The following MYRF variants were observed in gnomAD, a reference collection of about 807,000 sequenced individuals.
MYRF encodes myelin regulatory factor.
A neutral mutation model predicts 126.3 loss-of-function variants in MYRF; 16 were observed. The ratio of observed to expected loss-of-function variants is 0.13; its 90% CI spans 0.09 to 0.19. The LOEUF is 0.19. MYRF is among the 10% of genes least tolerant of loss of function. The probability of loss-of-function intolerance (pLI) is 1.00; values close to 1 mark genes in which losing one functional copy is unlikely to be tolerated. For missense variants in MYRF, 1,104 were observed against 1,547.0 expected (o/e 0.71, Z 4.80); for synonymous variants, 608 against 635.3 (o/e 0.96, Z 0.65).
intron 1 of MYRF, among the ~76,000 whole-genome samples, chr11:61,753,243 G>C (rs748107690): frequency 3.9e-5 from 6 of 151,970 alleles, no homozygotes; most frequent in Non-Finnish European, 7.4e-5. Context: ...ACCCCAGCCT[G>C]CTTCCCAGAA....
At chr11:61,769,450 A>G (rs117697079) in intron 4 of MYRF, 129 bp downstream of exon 4, 6 of 710,218 alleles carry the variant, frequency 8.4e-6, no homozygotes, top group Non-Finnish European at 1.5e-5. Context: ...TCGCTGGTCA[A>G]ATACTCCCTG....
Position 61,783,845 on chromosome 11 carries a change from C to T in MYRF, c.3120-6C>T. ...TCAGGCTAAGGTGCCAGTTTTGCCC[C>T]TGCAGGCCTGGGAACTTCACCTACC... On this transcript the variant is annotated splice_polypyrimidine_tract_variant and splice_region_variant and intron_variant, in intron 23 of 26. Coordinates refer to ENST00000278836, the MANE Select transcript of MYRF (RefSeq NM_001127392.3). The surrounding 1 kb of genome is among the most constrained non-coding windows in gnomAD (Gnocchi z 4.6). 4 of 1,601,100 alleles carry T rather than the reference C, an allele frequency of 2.5e-6. No individual in the cohort carries two copies. The highest frequency in any genetic ancestry group is 3.4e-6 in the Non-Finnish European group (4 of 1,173,378).
chr11:61,774,978 G>A (rs1030385912), intron 8 of MYRF, among the ~76,000 whole-genome samples: 14 of 151,978 alleles, frequency 9.2e-5, no homozygotes, highest in East Asian at 3.9e-4. Flanking sequence ...GGAATGGGGC[G>A]CAGGGCCTTG....
chr11:61,775,133 T>G (rs1481322235), intron 8 of MYRF, among the ~76,000 whole-genome samples: 6 of 152,140 alleles, frequency 3.9e-5, no homozygotes, highest in Admixed American at 3.9e-4. Context: ...TTACCTCCCT[T>G]CCTTGTCGGA....
rs767598766 is a variant in MYRF, at chr11:61,781,687, G to A, written c.2879G>A (p.Ser960Asn). 22 of 1,613,520 alleles carry A rather than the reference G, an allele frequency of 1.4e-5. No homozygotes were observed. The highest frequency in any genetic ancestry group is 1.8e-5 in the Non-Finnish European group (21 of 1,180,032). The change falls in exon 22 of 27, where the codon AGC becomes AAC. Residue 960 changes from serine to asparagine, a missense_variant. Ser to Asn is a conservative substitution (Grantham distance 46). Around this residue, in one of 10 missense-constraint regions of MYRF, gnomAD observed 323 missense variants for 383.1 expected, o/e 0.84. Coordinates refer to ENST00000278836, the MANE Select transcript of MYRF (RefSeq NM_001127392.3). ...KHHKSLEPLA[S>N]PAVPFPGGQG... ...CACAAGAGTCTGGAGCCTCTGGCCA[G>A]CCCTGCAGTCCCCTTCCCTGGGGGG... is the stretch of plus-strand genomic sequence containing the variant.
At chr11:61,765,354 C>T (rs1407579086) in intron 1 of MYRF, among the ~76,000 whole-genome samples, 2 of 152,234 alleles carry the variant, frequency 1.3e-5, no homozygotes, top group Admixed American at 6.5e-5. Flanking sequence ...GGATCGGCCT[C>T]TCTGTACCCA....
rs940568699 is a variant in MYRF at position 61,776,214 on chromosome 11, T to C, written c.1388+82T>C. On this transcript the variant is annotated intron_variant, in intron 9 of 26. Transcript: ENST00000278836. The surrounding 1 kb of genome is among the most constrained non-coding windows in gnomAD (Gnocchi z 4.3). Reference sequence around the variant, plus strand: ...CTTGGGAATGGAGGGGCCAGGGAGGTACCCAGGGTGTCCGCCTCATGTACG... The same window carrying C: ...CTTGGGAATGGAGGGGCCAGGGAGGCACCCAGGGTGTCCGCCTCATGTACG... 6.3e-6 allele frequency: 10 copies of C among 1,575,370 alleles called. No individual in the cohort carries two copies. In the African/African-American group the frequency reaches 1.4e-4, roughly 21 times the overall value.
In MYRF at chr11:61,776,532, C is replaced by A. The variant is rs958753188; in HGVS notation, c.1499+100C>A. 3.1e-6 allele frequency: 3 copies of A among 981,980 alleles called. No individual in the cohort carries two copies. The highest frequency in any genetic ancestry group is 4.6e-6 in the Non-Finnish European group (3 of 649,680). 60.8% of individuals were successfully genotyped at this position (981,980 alleles called of 1,614,324 possible). A position where few individuals can be genotyped will look rare whatever the true frequency, so the allele number is the denominator to read the frequency against. On this transcript the variant is annotated intron_variant, in intron 10 of 26. Coordinates refer to ENST00000278836, the MANE Select transcript of MYRF (RefSeq NM_001127392.3). This position sits in a 1 kb window ranked among gnomAD's most constrained non-coding sequence, Gnocchi z 4.3. ...AGGCACAGAGTCCTACAGGCTGAGC[C>A]ATTTCACAGATGAGAGACCTGAGAT...
chr11:61,769,308 C>A lies in MYRF; in HGVS notation c.447C>A (p.Pro149=), dbSNP rs780601996. The change falls in exon 4 of 27, where the codon CCC becomes CCA. Residue 149 remains proline (P), a synonymous_variant. Transcript: ENST00000278836. ...ACTCGGGCTCCGAGGCCTACTCCCC[C>A]CAGCAGGTGAATGGTGAGTCCAGCG... is the stretch of plus-strand genomic sequence containing the variant. ...PPDSGSEAYS[P]QQVNEPHLLR... is the part of the protein sequence containing the mutation. The A allele has an allele frequency of 6.7e-5, 108 of 1,610,280 alleles. No individual in the cohort carries two copies. The highest frequency in any genetic ancestry group is 8.7e-5 in the Non-Finnish European group (103 of 1,178,890).
chr11:61,765,410 C>G (rs1050903041), intron 1 of MYRF, among the ~76,000 whole-genome samples: 2 of 152,064 alleles, frequency 1.3e-5, no homozygotes, highest in African/African-American at 4.8e-5. Flanking sequence ...TCAAGGTGGC[C>G]TTGTGGTGGG....
At chr11:61,766,392 A>G (rs536664926) in intron 3 of MYRF, 171 bp downstream of exon 3, 46 of 647,618 alleles carry the variant, frequency 7.1e-5, no homozygotes, top group South Asian at 6.9e-4. Flanking sequence ...TCAAGGGGGG[A>G]CTCCTGGGCT....
intron 5 of MYRF, among the ~76,000 whole-genome samples, chr11:61,770,886 C>A (rs1029843465): frequency 6.6e-6 from 1 of 152,170 alleles, no homozygotes; most frequent in Admixed American, 6.5e-5. Context: ...TCTCATGGAA[C>A]CCTCAGGTTT....
chr11:61,784,444 A>G, intron 25 of MYRF, 59 bp downstream of exon 25: 1 of 1,431,396 alleles, frequency 7.0e-7, no homozygotes, highest in East Asian at 2.3e-5. Context: ...CTCCTGGCAC[A>G]ACTGGGCCCC....
Position 61,779,391 on chromosome 11 carries a change from C to T in MYRF, c.2142C>T (p.Ser714=), listed in dbSNP as rs1287444804. 1 of 1,551,242 alleles carries T rather than the reference C, an allele frequency of 6.4e-7. No homozygotes were observed. Among genetic ancestry groups the T allele is most frequent in the Non-Finnish European group, 8.7e-7 (1 of 1,146,920 alleles). The change falls in exon 15 of 27, where the codon AGC becomes AGT. Residue 714 remains serine, a synonymous_variant. Coordinates refer to ENST00000278836, the MANE Select transcript of MYRF (RefSeq NM_001127392.3). ...HKLAKLRRLD[S]LKSTGSSGAF... ...TGGCCAAGCTGCGGCGGCTCGACAG[C>T]CTCAAGTCCACCGGCAGCTCGGGCG...
Position 61,752,739 on chromosome 11 carries a change from C to G in MYRF, c.-6C>G. On this transcript the variant is annotated 5_prime_UTR_variant, in exon 1 of 27. Coordinates refer to ENST00000278836, the MANE Select transcript of MYRF (RefSeq NM_001127392.3). ...GCGGCTGGAGTGTGCGCCGGGCAGG[C>G]GGGACATGGAGGTGGTGGACGAGAC... The G allele has an allele frequency of 6.9e-7, 1 of 1,459,314 alleles. No homozygotes were observed. The highest frequency in any genetic ancestry group is 1.3e-5 in the South Asian group (1 of 74,266). The allele number at this position is 1,459,314 out of a possible 1,614,324, so 90.4% of individuals were successfully genotyped here.
intron 17 of MYRF, 109 bp downstream of exon 17, chr11:61,780,039 G>A: frequency 2.4e-6 from 3 of 1,254,658 alleles, no homozygotes; most frequent in African/African-American, 1.5e-5. Flanking sequence ...ATGTAGCTTG[G>A]GAGATCAGGC....
chr11:61,763,193 A>ACTCT (rs2135728064), intron 1 of MYRF, among the ~76,000 whole-genome samples: 1 of 151,518 alleles, frequency 6.6e-6, no homozygotes, highest in East Asian at 2.0e-4. Flanking sequence ...CGCCAGTCAC[A>ACTCT]CTCTCCCTCG....
Position 61,777,449 on chromosome 11 carries a change from G to A in MYRF, c.1776G>A (p.Lys592=). ...TGCACCCCTCCGACCTGCGCGCCAAGGAACACGTGCAGGAGGTGGGGACAG... is the reference window on the plus strand; with the variant it reads ...TGCACCCCTCCGACCTGCGCGCCAAAGAACACGTGCAGGAGGTGGGGACAG... The part of the protein sequence containing the change: ...SLMHPSDLRA[K]EHVQEVDTTE... Residue 592 remains lysine (K), a synonymous_variant, in exon 12 of 27, where the codon AAG becomes AAA. Transcript: ENST00000278836. The surrounding 1 kb of genome is among the most constrained non-coding windows in gnomAD (Gnocchi z 8.8). 1 of 1,611,620 alleles carries A rather than the reference G, an allele frequency of 6.2e-7. No individual in the cohort carries two copies. Among genetic ancestry groups the A allele is most frequent in the Non-Finnish European group, 8.5e-7 (1 of 1,179,142 alleles).
rs549144832 is a variant in MYRF, at chr11:61,755,075, C to G, written c.46+2285C>G. 5.9e-5 allele frequency among the ~76,000 whole-genome samples: 9 copies of G among 152,304 alleles called. No homozygotes were observed. The East Asian group carries it at 1.5e-3, about 26-fold the overall frequency. On this transcript the variant is annotated intron_variant, in intron 1 of 26. Transcript: ENST00000278836. ...AGCTCTCATCCTGGTCCCCACTTGGCCTTGGTCATCCCTCTGGACAGTGGG... is the reference window on the plus strand; with the variant it reads ...AGCTCTCATCCTGGTCCCCACTTGGGCTTGGTCATCCCTCTGGACAGTGGG...
Sources: gnomAD v4.1 joint callset for allele counts (sites outside exome capture counted in the v4.1 genomes callset) on GRCh38, gnomAD v4.1.1 for gene constraint, gnomAD v4.1.1 regional missense constraint, Gnocchi (gnomAD v3.1) non-coding constraint, MANE v1.5 for transcripts, NCBI Gene and HGNC (gene_info 2026-07-23, HGNC 2026-07-21) for gene names.